The following GRB10 variants were observed in gnomAD, a reference collection of about 807,000 sequenced individuals.
GRB10 encodes growth factor receptor bound protein 10.
Under a neutral mutation model 80.9 loss-of-function variants are expected in GRB10, and 20 were observed. The ratio of observed to expected loss-of-function variants is 0.25; its 90% CI spans 0.17 to 0.36. The LOEUF is 0.36. Ranked by LOEUF, GRB10 falls within the 10% of genes least tolerant of loss-of-function variation. The pLI is 1.00. For synonymous variants in GRB10, 291 were observed against 291.5 expected (o/e 1.00, Z 0.02); for missense variants, 548 against 747.7 (o/e 0.73, Z 3.12).
chr7:50,636,639 ATCT>A (rs2055085731), intron 7 of GRB10, among the ~76,000 whole-genome samples: 1 of 152,200 alleles, frequency 6.6e-6, no homozygotes. Flanking sequence ...CCATATGATT[ATCT>A]AAATGGATGC....
At chr7:50,660,113 A>C (rs1317036628) in intron 7 of GRB10, among the ~76,000 whole-genome samples, 1 of 152,196 alleles carries the variant, frequency 6.6e-6, no homozygotes, top group Non-Finnish European at 1.5e-5. Context: ...GGGGTGGGGC[A>C]CAGTAGTGGT....
At chr7:50,725,027 T>C (rs1563609012) in intron 4 of GRB10, among the ~76,000 whole-genome samples, 1 of 152,172 alleles carries the variant, frequency 6.6e-6, no homozygotes, top group Non-Finnish European at 1.5e-5. Flanking sequence ...CCCGGCAAGG[T>C]AGCTGTGCCT....
chr7:50,650,448 G>GCTT (rs3831529), intron 7 of GRB10, among the ~76,000 whole-genome samples: 57,388 of 151,936 alleles, frequency 0.38, 11,235 homozygotes, highest in Middle Eastern at 0.52. Context: ...CCACAGAAGG[G>GCTT]CTTCACTTAG....
chr7:50,730,392 A>G (rs1237340847), intron 4 of GRB10, among the ~76,000 whole-genome samples: 1 of 152,244 alleles, frequency 6.6e-6, no homozygotes, highest in Non-Finnish European at 1.5e-5. Flanking sequence ...ATTTTTCTCT[A>G]TAAAACTCTG....
In GRB10 at chr7:50,639,351, G is replaced by A. The variant is rs545612196; in HGVS notation, c.505-12373C>T. On this transcript the variant is annotated intron_variant, in intron 7 of 18. Transcript: ENST00000401949. ...AATCCTTTTTTCTAAAGGAGATAAA[G>A]TTCTAGAAATAACTAAAGAGTTCTT... 1.1e-4 allele frequency among the ~76,000 whole-genome samples: 17 copies of A among 152,330 alleles called. No homozygotes were observed. In the East Asian group the frequency reaches 3.3e-3, roughly 29 times the overall value.
chr7:50,614,974 A>C, intron 11 of GRB10, 94 bp from the exon 12 acceptor site: 1 of 800,928 alleles, frequency 1.2e-6, no homozygotes, highest in Non-Finnish European at 2.2e-6. Context: ...GCACACTTAC[A>C]AGCACTTTCC....
At chr7:50,712,983 C>A (rs1415366566) in intron 4 of GRB10, among the ~76,000 whole-genome samples, 1 of 152,202 alleles carries the variant, frequency 6.6e-6, no homozygotes, top group Non-Finnish European at 1.5e-5. Context: ...GCCTGTCAAT[C>A]TTGACAAATG....
At chr7:50,743,856 C>T (rs920017014) in intron 3 of GRB10, among the ~76,000 whole-genome samples, 2 of 152,180 alleles carry the variant, frequency 1.3e-5, no homozygotes, top group African/African-American at 4.8e-5. Context: ...ATGCAGTGAT[C>T]CAACTGATCT....
intron 7 of GRB10, among the ~76,000 whole-genome samples, chr7:50,642,140 C>G (rs1300638640): frequency 6.6e-6 from 1 of 152,112 alleles, no homozygotes; most frequent in Admixed American, 6.5e-5. Context: ...TCCTCTTGAG[C>G]CTCAGAGGCC....
intron 5 of GRB10, among the ~76,000 whole-genome samples, chr7:50,692,513 G>A (rs907983330): frequency 1.1e-4 from 16 of 152,058 alleles, no homozygotes; most frequent in Non-Finnish European, 1.5e-4. Flanking sequence ...AAGACAGGGC[G>A]CTAGGGACCG....
intron 2 of GRB10, among the ~76,000 whole-genome samples, chr7:50,770,104 C>T (rs1336437536): frequency 1.3e-5 from 2 of 152,200 alleles, no homozygotes; most frequent in East Asian, 3.9e-4. Context: ...AAGAGTCCCT[C>T]AAATGCTGCT....
intron 2 of GRB10, among the ~76,000 whole-genome samples, chr7:50,773,458 GAGGGGAAGGCAGGGGAGGGGAAGGC>G (rs1482330435): frequency 2.9e-5 from 1 of 33,946 alleles, no homozygotes; most frequent in African/African-American, 1.8e-4. Flanking sequence ...GAAGGGAGGG[GAGGGGAAGGCAGGGGAGGGGAAGGC>G]AGGGGAGGGG....
At chr7:50,791,993 A>T (rs2078937460) in intron 1 of GRB10, among the ~76,000 whole-genome samples, 1 of 152,202 alleles carries the variant, frequency 6.6e-6, no homozygotes, top group African/African-American at 2.4e-5. Flanking sequence ...GCTCGTTAAA[A>T]TATTGCCAGC....
intron 3 of GRB10, among the ~76,000 whole-genome samples, chr7:50,740,221 C>G (rs1018536376): frequency 6.6e-6 from 1 of 152,232 alleles, no homozygotes; most frequent in Non-Finnish European, 1.5e-5. Flanking sequence ...GCATGTCTGC[C>G]ACACCTGACC....
At chr7:50,741,733 T>C (rs1449134755) in intron 3 of GRB10, among the ~76,000 whole-genome samples, 1 of 151,984 alleles carries the variant, frequency 6.6e-6, no homozygotes, top group Non-Finnish European at 1.5e-5. Flanking sequence ...GAAAAACTCA[T>C]GCCATGAAAT....
intron 7 of GRB10, among the ~76,000 whole-genome samples, chr7:50,635,472 A>G (rs989872176): frequency 6.6e-6 from 1 of 152,156 alleles, no homozygotes; most frequent in Non-Finnish European, 1.5e-5. Context: ...AAGGAACTAA[A>G]AAAACAAGAA....
chr7:50,751,621 C>T lies in GRB10; in HGVS notation c.-47+4266G>A, dbSNP rs145818210. On this transcript the variant is annotated intron_variant, in intron 3 of 18. Coordinates refer to ENST00000401949, the MANE Select transcript of GRB10 (RefSeq NM_001350814.2). ...AAGTGTGGGAAGTGATGAATATTTT[C>T]ATTACCTTGGTTACTTGATGATGGT... Among the ~76,000 whole-genome samples, 713 of 152,296 alleles carry T rather than the reference C, an allele frequency of 4.7e-3. 4 individuals carry two copies. The highest frequency in any genetic ancestry group is 0.017 in the African/African-American group (694 of 41,564).
chr7:50,755,197 G>A (rs142737346), intron 3 of GRB10, among the ~76,000 whole-genome samples: 2 of 152,340 alleles, frequency 1.3e-5, no homozygotes, highest in Non-Finnish European at 2.9e-5. Context: ...TGCTGAAGCC[G>A]TTCTGGCCTC....
At chr7:50,738,823 A>C (rs2071240156) in intron 3 of GRB10, among the ~76,000 whole-genome samples, 1 of 152,240 alleles carries the variant, frequency 6.6e-6, no homozygotes, top group Non-Finnish European at 1.5e-5. Flanking sequence ...ATGATTAAGA[A>C]ATTGTATCAA....
Sources: gnomAD v4.1 joint callset for allele counts (sites outside exome capture counted in the v4.1 genomes callset) on GRCh38, gnomAD v4.1.1 for gene constraint, MANE v1.5 for transcripts, NCBI Gene and HGNC (gene_info 2026-07-23, HGNC 2026-07-21) for gene names.